Variants in LRRC17 observed in about 807,000 individuals in gnomAD.
The protein encoded by LRRC17 is leucine-rich repeat-containing protein 17.
LRRC17 carries 33 observed loss-of-function variants against 41.5 expected under a neutral mutation model. That is an observed-to-expected ratio of 0.80 (90% CI 0.60 to 1.06). The LOEUF (loss-of-function observed/expected upper bound fraction) is 1.06, where lower values mean the gene tolerates loss of function less well. LRRC17 is among the 50% of genes least tolerant of loss of function. The pLI, the probability that LRRC17 is intolerant of heterozygous loss-of-function variation, is 0.00. For synonymous variants in LRRC17, 192 were observed against 197.0 expected, an observed-to-expected ratio of 0.97 and a Z score of 0.21; for missense variants, 491 against 519.3, an observed-to-expected ratio of 0.95 and a Z score of 0.53.
intron 1 of LRRC17, among the ~76,000 whole-genome samples, chr7:102,927,179 A>C (rs1043852223): frequency 1.3e-5 from 2 of 152,244 alleles, no homozygotes; most frequent in Non-Finnish European, 2.9e-5. Flanking sequence ...CTTTTTGTAT[A>C]GGTAACACTA....
intron 3 of LRRC17, 134 bp from the exon 4 acceptor site, chr7:102,944,073 AAAG>A: frequency 1.5e-6 from 1 of 679,722 alleles, no homozygotes; most frequent in Non-Finnish European, 2.3e-6. Flanking sequence ...GCTCTGAGAA[AAAG>A]AAAGGAAAAG....
intron 1 of LRRC17, among the ~76,000 whole-genome samples, chr7:102,922,902 C>T (rs1007319780): frequency 2.0e-5 from 3 of 151,946 alleles, no homozygotes; most frequent in Non-Finnish European, 4.4e-5. Context: ...GGCATGAACC[C>T]GGGAGGCGGA....
intron 1 of LRRC17, among the ~76,000 whole-genome samples, chr7:102,929,323 CTG>C (rs1324212938): frequency 2.0e-5 from 3 of 152,042 alleles, no homozygotes; most frequent in African/African-American, 7.2e-5. Context: ...TGTGAAGTAT[CTG>C]TGTTGAAGTA....
At chr7:102,926,727 T>C (rs1324947148) in intron 1 of LRRC17, among the ~76,000 whole-genome samples, 1 of 152,146 alleles carries the variant, frequency 6.6e-6, no homozygotes, top group Non-Finnish European at 1.5e-5. Flanking sequence ...GGAAAGCAAT[T>C]AAAAACTGAT....
intron 1 of LRRC17, among the ~76,000 whole-genome samples, chr7:102,929,682 AAATT>A (rs1247095771): frequency 1.3e-5 from 2 of 151,370 alleles, no homozygotes; most frequent in African/African-American, 4.9e-5. Flanking sequence ...AAAAAAAAAA[AAATT>A]AATTAAGTTA....
intron 3 of LRRC17, chr7:102,942,354 A>G (rs779265394): frequency 6.4e-7 from 1 of 1,557,238 alleles, no homozygotes; most frequent in South Asian, 1.2e-5. Flanking sequence ...TAAGTATACA[A>G]ATGCAGTGGG....
intron 3 of LRRC17, chr7:102,942,347 G>GT (rs1288202752): frequency 6.4e-7 from 1 of 1,571,890 alleles, no homozygotes. Flanking sequence ...GCTGTGGTAA[G>GT]TATACAAATG....
intron 2 of LRRC17, among the ~76,000 whole-genome samples, chr7:102,935,242 C>CTTTTTTTTTTTTTTTT (rs71106700): frequency 5.9e-4 from 45 of 76,422 alleles, no homozygotes; most frequent in African/African-American, 1.4e-3. Flanking sequence ...TTTTTTCTTT[C>CTTTTTTTTTTTTTTTT]TTTTTTTTTT....
At chr7:102,942,242 C>G in intron 3 of LRRC17, 14 of 1,486,034 alleles carry the variant, frequency 9.4e-6, no homozygotes, top group Non-Finnish European at 1.3e-5. Flanking sequence ...GCAGTTAAGG[C>G]AAAATGACCT....
At chr7:102,919,355 A>G (rs934046948) in intron 1 of LRRC17, among the ~76,000 whole-genome samples, 24 of 152,214 alleles carry the variant, frequency 1.6e-4, no homozygotes, top group Admixed American at 9.2e-4. Flanking sequence ...TTTGAAGGAC[A>G]GGAATAAAAT....
rs147791775 is a variant in LRRC17 at position 102,934,464 on chromosome 7, G to A, written c.551G>A (p.Arg184Gln). 1,467 of 1,614,138 alleles carry A rather than the reference G, an allele frequency of 9.1e-4. 11 individuals carry two copies. The African/African-American group carries it at 0.017, about 19-fold the overall frequency. ...TCAATGTTGCAGATTCCCAGGAACC[G>A]GAATTTGGGGAACTACGCCAAGTGT... ...LISMLQIPRN[R>Q]NLGNYAKCES... The change falls in exon 2 of 4, where the codon CGG (arginine) becomes CAG (glutamine). Residue 184 changes from arginine (R) to glutamine (Q), a missense_variant. By Grantham distance (43) the Arg-to-Gln change is conservative. Transcript: ENST00000339431.
intron 1 of LRRC17, among the ~76,000 whole-genome samples, chr7:102,929,797 G>A (rs776159692): frequency 1.3e-3 from 193 of 152,034 alleles, no homozygotes; most frequent in Admixed American, 2.3e-3. Flanking sequence ...AGGGGTGAGG[G>A]AAATGTTCTG....
At chr7:102,932,068 A>G (rs550908391) in intron 1 of LRRC17, 87 of 728,532 alleles carry the variant, frequency 1.2e-4, no homozygotes, top group Non-Finnish European at 1.8e-4. Context: ...TTCTAAGTAT[A>G]TGGTTTCTTT....
At chr7:102,919,708 C>G (rs1003464348) in intron 1 of LRRC17, among the ~76,000 whole-genome samples, 2 of 152,162 alleles carry the variant, frequency 1.3e-5, no homozygotes, top group Non-Finnish European at 2.9e-5. Context: ...AAATACAGAA[C>G]ATGATTCAAG....
intron 3 of LRRC17, among the ~76,000 whole-genome samples, chr7:102,940,091 A>T (rs1236838122): frequency 2.0e-5 from 3 of 151,774 alleles, no homozygotes; most frequent in Admixed American, 2.0e-4. Context: ...ATGGGGTTTC[A>T]TCATGTTGGT....
In LRRC17 at chr7:102,944,666, A is replaced by T. The variant is rs1053433869; in HGVS notation, c.*59A>T. 4 of 1,427,624 alleles carry T rather than the reference A, an allele frequency of 2.8e-6. No homozygotes were observed. The highest frequency in any genetic ancestry group is 2.8e-6 in the Non-Finnish European group (3 of 1,060,980). 88.4% of individuals were successfully genotyped at this position (1,427,624 alleles called of 1,614,324 possible). On this transcript the variant is annotated 3_prime_UTR_variant, in exon 4 of 4. Coordinates refer to ENST00000339431, the MANE Select transcript of LRRC17 (RefSeq NM_001031692.3). ...ATTTTCTATACTGGTGTTAGAAAAC[A>T]TATGTTTACATTTGATTAACTGTGT...
chr7:102,916,791 T>TG (rs61021557), intron 1 of LRRC17, among the ~76,000 whole-genome samples: 36,116 of 147,274 alleles, frequency 0.25, 4,940 homozygotes, highest in East Asian at 0.49. Flanking sequence ...CTGTTTCTTA[T>TG]GGGGGGGGGT....
intron 1 of LRRC17, among the ~76,000 whole-genome samples, chr7:102,916,201 G>A (rs1425009918): frequency 6.6e-6 from 1 of 151,958 alleles, no homozygotes; most frequent in African/African-American, 2.4e-5. Context: ...TGGCCAGACT[G>A]GTCTCAAACT....
In LRRC17 at chr7:102,944,617, T is replaced by TA; in HGVS notation, c.*10_*11insA. 1 of 1,571,300 alleles carries TA rather than the reference T, an allele frequency of 6.4e-7. No individual in the cohort carries two copies. ...TACTATAGTAGGATAAGGTAGAAATTGTTCTGATTGTAATTAGTTTTGTAT... is the reference window on the plus strand; with the variant it reads ...TACTATAGTAGGATAAGGTAGAAATTAGTTCTGATTGTAATTAGTTTTGTAT... On this transcript the variant is annotated 3_prime_UTR_variant, in exon 4 of 4. Transcript: ENST00000339431.
Sources: gnomAD v4.1 joint callset for allele counts (sites outside exome capture counted in the v4.1 genomes callset) on GRCh38, gnomAD v4.1.1 for gene constraint, MANE v1.5 for transcripts, NCBI Gene and HGNC (gene_info 2026-07-23, HGNC 2026-07-21) for gene names.